MAP2K5: variants seen among roughly 807,000 people sequenced by gnomAD.
MAP2K5 encodes the protein dual specificity mitogen-activated protein kinase kinase 5.
Under a neutral mutation model 83.1 loss-of-function variants are expected in MAP2K5, and 49 were observed. The ratio of observed to expected loss-of-function variants is 0.59; its 90% CI spans 0.47 to 0.75. The LOEUF is 0.75. Among genes scored for constraint, MAP2K5 ranks in the 30% least tolerant of loss-of-function variants. MAP2K5 has a pLI of 0.00. For synonymous variants in MAP2K5, 202 were observed against 191.8 expected, an observed-to-expected ratio of 1.05 and a Z score of -0.44; for missense variants, 457 against 557.5, an observed-to-expected ratio of 0.82 and a Z score of 1.82.
rs10609519 is a variant in MAP2K5, at chr15:67,710,497, GTTT to G, written c.1044+7111_1044+7113del. Among the ~76,000 whole-genome samples, 54 of 81,024 alleles carry G rather than the reference GTTT, an allele frequency of 6.7e-4. 1 individual carries two copies. Among genetic ancestry groups the G allele is most frequent in the Non-Finnish European group, 1.0e-3 (44 of 42,278 alleles). The allele number at this position is 81,024 out of a possible 152,430, so 53.2% of individuals were successfully genotyped here. Reference sequence around the variant, plus strand: ...CATCCAAGTAACATCATCTTCTGAAGTTTTTTTTTTTTTTTTTTTTTTTTGAGA... The same window carrying G: ...CATCCAAGTAACATCATCTTCTGAAGTTTTTTTTTTTTTTTTTTTTTGAGA... On this transcript the variant is annotated intron_variant, in intron 16 of 21. Coordinates refer to ENST00000178640, the MANE Select transcript of MAP2K5 (RefSeq NM_145160.3).
chr15:67,605,272 C>G (rs1404115762), intron 8 of MAP2K5, among the ~76,000 whole-genome samples: 1 of 151,868 alleles, frequency 6.6e-6, no homozygotes, highest in Non-Finnish European at 1.5e-5. Flanking sequence ...CCAGGATGGT[C>G]TGGATCTCCT....
At position 67,725,986 on chromosome 15, in the gene MAP2K5, G is replaced by A. The variant is rs551296004; in HGVS notation, c.1045-1930G>A. Among the ~76,000 whole-genome samples the A allele has an allele frequency of 3.9e-3, 585 of 150,602 alleles. 2 individuals carry two copies. Among genetic ancestry groups the A allele is most frequent in the Non-Finnish European group, 6.7e-3 (453 of 67,460 alleles). Reference sequence around the variant, plus strand: ...AACAAACATAATCACACAAAACTTCGAAAGGGAGTTTGGCAAACATCTACA... The same window carrying A: ...AACAAACATAATCACACAAAACTTCAAAAGGGAGTTTGGCAAACATCTACA... On this transcript the variant is annotated intron_variant, in intron 16 of 21. Coordinates refer to ENST00000178640, the MANE Select transcript of MAP2K5 (RefSeq NM_145160.3).
chr15:67,632,700 A>G (rs2086502729), intron 9 of MAP2K5, among the ~76,000 whole-genome samples: 1 of 152,206 alleles, frequency 6.6e-6, no homozygotes, highest in Non-Finnish European at 1.5e-5. Context: ...CTCTTTCTCT[A>G]ACAGTTGCAT....
chr15:67,775,453 C>T lies in MAP2K5; in HGVS notation c.1242+2701C>T, dbSNP rs779878940. ...GCCATGAAGCTACATCAGAAGTGCTCTCAAAAGTTTTATCAGCATCTGCAT... is the reference window on the plus strand; with the variant it reads ...GCCATGAAGCTACATCAGAAGTGCTTTCAAAAGTTTTATCAGCATCTGCAT... On this transcript the variant is annotated intron_variant, in intron 21 of 21. Coordinates refer to ENST00000178640, the MANE Select transcript of MAP2K5 (RefSeq NM_145160.3). The surrounding 1 kb of genome is among the most constrained non-coding windows in gnomAD (Gnocchi z 5.3). 6.6e-6 allele frequency among the ~76,000 whole-genome samples: 1 copy of T among 152,186 alleles called. No homozygotes were observed. Among genetic ancestry groups the T allele is most frequent in the Non-Finnish European group, 1.5e-5 (1 of 68,030 alleles).
chr15:67,641,766 T>A (rs1438303996), intron 9 of MAP2K5: 2 of 284,712 alleles, frequency 7.0e-6, no homozygotes, highest in Admixed American at 6.5e-5. Context: ...TAATGAAGAA[T>A]CAGGGAGTCC....
At position 67,747,610 on chromosome 15, in the gene MAP2K5, C is replaced by T. The variant is rs1465792591; in HGVS notation, c.1075-621C>T. 5.9e-5 allele frequency among the ~76,000 whole-genome samples: 9 copies of T among 152,098 alleles called. No homozygotes were observed. ...CTCTTACTGGACTCTGCATTTATTC[C>T]CTAAAAATCAGTGTGAAACTTCCAT... On this transcript the variant is annotated intron_variant, in intron 17 of 21. Coordinates refer to ENST00000178640, the MANE Select transcript of MAP2K5 (RefSeq NM_145160.3). This position sits in a 1 kb window ranked among gnomAD's most constrained non-coding sequence, Gnocchi z 4.1.
intron 19 of MAP2K5, among the ~76,000 whole-genome samples, chr15:67,754,232 T>C (rs2089782612): frequency 1.3e-5 from 2 of 152,180 alleles, no homozygotes; most frequent in Non-Finnish European, 2.9e-5. Flanking sequence ...TTTAAAAGGG[T>C]GAATTTTATT....
chr15:67,725,579 G>C (rs1287379208), intron 16 of MAP2K5, among the ~76,000 whole-genome samples: 3 of 152,194 alleles, frequency 2.0e-5, no homozygotes, highest in Non-Finnish European at 2.9e-5. Flanking sequence ...ATATACCCAA[G>C]TGAATGGCGC....
chr15:67,767,702 G>C (rs142952920), intron 19 of MAP2K5, among the ~76,000 whole-genome samples: 6 of 152,120 alleles, frequency 3.9e-5, no homozygotes, highest in Non-Finnish European at 8.8e-5. Flanking sequence ...TCTTCAAACC[G>C]ATGGGACTTC....
At position 67,555,790 on chromosome 15, in the gene MAP2K5, C is replaced by CTT. The variant is rs35960901; in HGVS notation, c.184+5718_184+5719dup. On this transcript the variant is annotated intron_variant, in intron 2 of 21. Coordinates refer to ENST00000178640, the MANE Select transcript of MAP2K5 (RefSeq NM_145160.3). The surrounding 1 kb of genome is among the most constrained non-coding windows in gnomAD (Gnocchi z 5.2). ...TATTTGGCTATTTGTATTTAATTTCCTTTTTTTTTTTGAGACGCAGTCTCA... is the reference window on the plus strand; with the variant it reads ...TATTTGGCTATTTGTATTTAATTTCCTTTTTTTTTTTTTGAGACGCAGTCTCA... Among the ~76,000 whole-genome samples, 33 of 148,386 alleles carry CTT rather than the reference C, an allele frequency of 2.2e-4. No homozygotes were observed. The highest frequency in any genetic ancestry group is 2.5e-4 in the Non-Finnish European group (17 of 66,982).
intron 15 of MAP2K5, among the ~76,000 whole-genome samples, chr15:67,695,114 T>TG (rs1163781691): frequency 1.4e-5 from 1 of 70,648 alleles, no homozygotes; most frequent in Non-Finnish European, 2.8e-5. Flanking sequence ...TGTTGTGGGT[T>TG]GGGGGGAGGG....
chr15:67,567,354 A>ATT, intron 3 of MAP2K5, among the ~76,000 whole-genome samples: 1 of 148,054 alleles, frequency 6.8e-6, no homozygotes, highest in Non-Finnish European at 1.5e-5. Context: ...TCCTCCATAA[A>ATT]GTTTTTTTTT....
intron 13 of MAP2K5, among the ~76,000 whole-genome samples, chr15:67,684,368 C>G (rs1428115643): frequency 6.6e-6 from 1 of 152,210 alleles, no homozygotes; most frequent in Non-Finnish European, 1.5e-5. Context: ...TGGGGCTAAA[C>G]TAGCCCTGTA....
chr15:67,586,520 C>T (rs1159729320), intron 5 of MAP2K5, among the ~76,000 whole-genome samples: 3 of 152,082 alleles, frequency 2.0e-5, no homozygotes, highest in Non-Finnish European at 4.4e-5. Flanking sequence ...TCACTACTAA[C>T]CCCTGGGTAT....
chr15:67,551,094 A>G (rs1431965479), intron 2 of MAP2K5, among the ~76,000 whole-genome samples: 3 of 152,162 alleles, frequency 2.0e-5, no homozygotes, highest in Non-Finnish European at 4.4e-5. Context: ...CTTAATGTAG[A>G]AAAATTTCAG....
At chr15:67,616,671 G>A (rs576038983) in intron 8 of MAP2K5, among the ~76,000 whole-genome samples, 67 of 152,226 alleles carry the variant, frequency 4.4e-4, no homozygotes, top group African/African-American at 9.6e-4. Flanking sequence ...TTTGTTCACC[G>A]TTTTTCTTGT....
At position 67,748,415 on chromosome 15, in the gene MAP2K5, A is replaced by C. The variant is rs1274398479; in HGVS notation, c.1102-154A>C. The stretch of plus-strand genomic sequence containing the variant: ...ATTAGATTAGGTACCATTAGAAATA[A>C]TAGAACCTCCTGAGCATCAATGTTT... On this transcript the variant is annotated intron_variant, in intron 18 of 21. Transcript: ENST00000178640. This position sits in a 1 kb window ranked among gnomAD's most constrained non-coding sequence, Gnocchi z 4.0. 1 of 831,512 alleles carries C rather than the reference A, an allele frequency of 1.2e-6. No homozygotes were observed. The highest frequency in any genetic ancestry group is 1.9e-6 in the Non-Finnish European group (1 of 515,350). The allele number at this position is 831,512 out of a possible 1,614,324, so 51.5% of individuals were successfully genotyped here. A position where few individuals can be genotyped will look rare whatever the true frequency, so the allele number is the denominator to read the frequency against.
Position 67,770,068 on chromosome 15 carries a change from T to C in MAP2K5, c.1196+405T>C, listed in dbSNP as rs2090113894. 1 of 158,240 alleles carries C rather than the reference T, an allele frequency of 6.3e-6. No individual in the cohort carries two copies. The highest frequency in any genetic ancestry group is 1.4e-5 in the Non-Finnish European group (1 of 72,226). 9.8% of individuals were successfully genotyped at this position (158,240 alleles called of 1,614,324 possible). A position where few individuals can be genotyped will look rare whatever the true frequency, so the allele number is the denominator to read the frequency against. On this transcript the variant is annotated intron_variant, in intron 20 of 21. Transcript: ENST00000178640. The surrounding 1 kb of genome is among the most constrained non-coding windows in gnomAD (Gnocchi z 5.0). ...GTCACTTAGTGGAAGCAGCATAGTT[T>C]ATTAATTCATCGGATTTTCAGTAAA...
At chr15:67,593,264 G>A (rs112405785) in intron 7 of MAP2K5, among the ~76,000 whole-genome samples, 49 of 152,276 alleles carry the variant, frequency 3.2e-4, no homozygotes, top group African/African-American at 1.1e-3. Flanking sequence ...TGTTGAAATG[G>A]CCCTGCATTC....
Sources: gnomAD v4.1 joint callset for allele counts (sites outside exome capture counted in the v4.1 genomes callset) on GRCh38, gnomAD v4.1.1 for gene constraint, Gnocchi (gnomAD v3.1) non-coding constraint, MANE v1.5 for transcripts, NCBI Gene and HGNC (gene_info 2026-07-23, HGNC 2026-07-21) for gene names.